The following PARM1 variants were observed in gnomAD, a reference collection of about 807,000 sequenced individuals.
PARM1 encodes the protein prostate androgen-regulated mucin-like protein 1.
Under a neutral mutation model 24.6 loss-of-function variants are expected in PARM1, and 14 were observed. The observed-to-expected ratio is 0.57, with a 90% confidence interval of 0.38 to 0.89. The LOEUF is 0.89. Among genes scored for constraint, PARM1 ranks in the 40% least tolerant of loss-of-function variants. The pLI is 0.00. For synonymous variants in PARM1, 179 were observed against 156.6 expected, an observed-to-expected ratio of 1.14 and a Z score of -1.07; for missense variants, 362 against 380.4, an observed-to-expected ratio of 0.95 and a Z score of 0.40.
At position 75,005,297 on chromosome 4, in the gene PARM1, G is replaced by A. The variant is rs374265408; in HGVS notation, c.44-7128G>A. ...ATCAAGTTTCACCAAGTTTGCCAAA[G>A]CTTTGCCACATGTTTTCTCACGTGC... On this transcript the variant is annotated intron_variant, in intron 1 of 3. Coordinates refer to ENST00000307428, the MANE Select transcript of PARM1 (RefSeq NM_015393.4). 2.9e-3 allele frequency among the ~76,000 whole-genome samples: 446 copies of A among 152,304 alleles called. 4 individuals are homozygous for A. Among genetic ancestry groups the A allele is most frequent in the African/African-American group, 9.9e-3 (412 of 41,548 alleles).
At chr4:75,020,137 A>G (rs1019052239) in intron 2 of PARM1, among the ~76,000 whole-genome samples, 3 of 152,164 alleles carry the variant, frequency 2.0e-5, no homozygotes, top group Admixed American at 6.5e-5. Context: ...CAATTATTTA[A>G]TTAAAAACAA....
At chr4:74,933,509 A>G in intron 1 of PARM1, 139 bp downstream of exon 1, 2 of 717,340 alleles carry the variant, frequency 2.8e-6, no homozygotes, top group East Asian at 5.4e-5. Flanking sequence ...GTGCGCACTT[A>G]GATTTGGGGT....
At chr4:74,937,745 A>G (rs1348648319) in intron 1 of PARM1, among the ~76,000 whole-genome samples, 2 of 152,230 alleles carry the variant, frequency 1.3e-5, no homozygotes, top group African/African-American at 2.4e-5. Flanking sequence ...AGCAGAGTTT[A>G]TGTGTTTGTA....
intron 1 of PARM1, among the ~76,000 whole-genome samples, chr4:74,942,073 T>A (rs17000015): frequency 0.3 from 45,569 of 152,068 alleles, 7,014 homozygotes; most frequent in Middle Eastern, 0.41. Flanking sequence ...TAGAGTGCCA[T>A]GGGACTAAAC....
chr4:75,012,978 G>C lies in PARM1; in HGVS notation c.597G>C (p.Glu199Asp). 1.2e-6 allele frequency: 2 copies of C among 1,613,940 alleles called. No homozygotes were observed. The highest frequency in any genetic ancestry group is 1.7e-6 in the Non-Finnish European group (2 of 1,179,878). The change falls in exon 2 of 4, where the codon GAG (glutamate) becomes GAC (aspartate). Residue 199 changes from glutamate to aspartate, a missense_variant. Transcript: ENST00000307428. ...APTAPESPTE[E>D]SSSDHTPTSH... ...CTGCACCAGAGTCCCCGACAGAGGA[G>C]TCCAGCTCTGACCACACACCCACTT...
chr4:74,980,219 A>C (rs1425821540), intron 1 of PARM1, among the ~76,000 whole-genome samples: 2 of 152,214 alleles, frequency 1.3e-5, no homozygotes, highest in Non-Finnish European at 2.9e-5. Context: ...AGAAAACCTC[A>C]TCATCTCCGC....
intron 1 of PARM1, among the ~76,000 whole-genome samples, chr4:74,940,501 A>G (rs1297625968): frequency 6.6e-6 from 1 of 152,236 alleles, no homozygotes; most frequent in Middle Eastern, 3.2e-3. Context: ...TGGAAGGGGT[A>G]AGGCAGCCCT....
Sources: allele counts gnomAD v4.1 joint callset (sites outside exome capture counted in the v4.1 genomes callset), GRCh38; gene constraint gnomAD v4.1.1; transcripts MANE v1.5; gene names NCBI Gene and HGNC (gene_info 2026-07-23, HGNC 2026-07-21).